NIPBL: variants seen among roughly 807,000 people sequenced by gnomAD.
NIPBL encodes nipped-B-like protein.
In NIPBL, 19 loss-of-function variants were observed where a neutral mutation model predicts 321.8. The observed-to-expected ratio is 0.06, with a 90% confidence interval of 0.04 to 0.09. NIPBL has a LOEUF of 0.09. Ranked by LOEUF, NIPBL falls within the 10% of genes least tolerant of loss-of-function variation. NIPBL has a pLI of 1.00. For synonymous variants in NIPBL, 1,106 were observed against 1,114.1 expected (o/e 0.99, Z 0.14); for missense variants, 2,210 against 3,327.0 (o/e 0.66, Z 8.26).
rs577332130 is a variant in NIPBL at position 36,991,720 on chromosome 5, G to A, written c.3122-3902G>A. Among the ~76,000 whole-genome samples, 8 of 149,344 alleles carry A rather than the reference G, an allele frequency of 5.4e-5. 1 individual carries two copies. In the South Asian group the frequency reaches 1.7e-3, roughly 32 times the overall value. On this transcript the variant is annotated intron_variant, in intron 10 of 46. Coordinates refer to ENST00000282516, the MANE Select transcript of NIPBL (RefSeq NM_133433.4). ...GTAGGTTAGTGGAAGAATTGTCACT[G>A]AACTATTCCATTATGCCTGCCCAAG...
At chr5:36,886,466 A>C in intron 1 of NIPBL, 3 of 754,948 alleles carry the variant, frequency 4.0e-6, no homozygotes, top group Non-Finnish European at 7.2e-6. Flanking sequence ...GTGGTGTCTG[A>C]GACCAGTGAC....
At chr5:36,962,021 A>G (rs1741681960) in intron 5 of NIPBL, 102 bp from the exon 6 acceptor site, 1 of 1,295,674 alleles carries the variant, frequency 7.7e-7, no homozygotes, top group Non-Finnish European at 1.1e-6. Context: ...GATTTTACAT[A>G]TATAAACTAA....
At chr5:37,026,837 C>T (rs1750326218) in intron 31 of NIPBL, among the ~76,000 whole-genome samples, 2 of 151,612 alleles carry the variant, frequency 1.3e-5, no homozygotes, top group Admixed American at 1.3e-4. Flanking sequence ...GAGTTCAAAG[C>T]TGCAGTATAC....
intron 4 of NIPBL, 137 bp downstream of exon 4, chr5:36,958,368 T>C: frequency 1.3e-6 from 1 of 765,592 alleles, no homozygotes; most frequent in Non-Finnish European, 2.2e-6. Context: ...AGAAGGAAAC[T>C]AAACTGATAA....
In NIPBL at chr5:36,985,824, T is replaced by G. The variant is rs746447744; in HGVS notation, c.2644T>G (p.Ser882Ala). Residue 882 changes from serine (S) to alanine (A), a missense_variant, in exon 10 of 47, where the codon TCT (serine) becomes GCT (alanine). Around this residue, in one of 14 missense-constraint regions of NIPBL, gnomAD observed 588 missense variants for 564.1 expected, o/e 1.04. Coordinates refer to ENST00000282516, the MANE Select transcript of NIPBL (RefSeq NM_133433.4). ...HESGDSRERPSSGEQKSRPDS... is the reference protein window; with the variant it reads ...HESGDSRERPASGEQKSRPDS... Reference sequence around the variant, plus strand: ...ATCAGGGGACTCAAGGGAAAGACCATCTTCTGGGGAACAAAAATCAAGACC... The same window carrying G: ...ATCAGGGGACTCAAGGGAAAGACCAGCTTCTGGGGAACAAAAATCAAGACC... 6.2e-7 allele frequency: 1 copy of G among 1,613,868 alleles called. No homozygotes were observed.
Position 36,976,145 on chromosome 5 carries a change from C to A in NIPBL, c.1238C>A (p.Pro413Gln). Reference protein sequence around the residue: ...TPITPQDINRPLNAAQCLSQQ... With the variant: ...TPITPQDINRQLNAAQCLSQQ... ...ATTACTCCACAAGATATAAACCGCC[C>A]ACTAAATGCTGCTCAATGTTTGTCG... Residue 413 changes from proline (P) to glutamine (Q), a missense_variant, in exon 9 of 47, where the codon CCA (proline) becomes CAA (glutamine). Coordinates refer to ENST00000282516, the MANE Select transcript of NIPBL (RefSeq NM_133433.4). 1.2e-6 allele frequency: 2 copies of A among 1,613,426 alleles called. No homozygotes were observed. The highest frequency in any genetic ancestry group is 1.7e-6 in the Non-Finnish European group (2 of 1,179,592).
intron 37 of NIPBL, 29 bp downstream of exon 37, chr5:37,045,626 A>G (rs756230006): frequency 4.9e-5 from 79 of 1,606,210 alleles, no homozygotes; most frequent in Non-Finnish European, 6.6e-5. Context: ...AAAATGCTAT[A>G]AAACATAGAG....
chr5:37,001,660 T>C (rs1443995767), intron 14 of NIPBL, among the ~76,000 whole-genome samples: 1 of 152,134 alleles, frequency 6.6e-6, no homozygotes, highest in Non-Finnish European at 1.5e-5. Context: ...TAAAAATAAC[T>C]AAAACCCAAA....
At chr5:37,016,983 T>A in intron 23 of NIPBL, 36 bp from the exon 24 acceptor site, 1 of 1,336,592 alleles carries the variant, frequency 7.5e-7, no homozygotes, top group South Asian at 1.3e-5. Flanking sequence ...TATATTGTTA[T>A]AAATCTATTC....
At chr5:36,981,001 C>T (rs1055178917) in intron 9 of NIPBL, among the ~76,000 whole-genome samples, 1 of 151,592 alleles carries the variant, frequency 6.6e-6, no homozygotes, top group Non-Finnish European at 1.5e-5. Flanking sequence ...TTTTAGAGCC[C>T]TTAAGAGATG....
At chr5:36,969,774 A>G (rs968554548) in intron 6 of NIPBL, among the ~76,000 whole-genome samples, 1 of 152,202 alleles carries the variant, frequency 6.6e-6, no homozygotes, top group Admixed American at 6.5e-5. Context: ...TGTCAGAAAC[A>G]TTTCCTACCC....
intron 39 of NIPBL, 102 bp from the exon 40 acceptor site, chr5:37,049,009 C>A: frequency 8.9e-7 from 1 of 1,124,316 alleles, no homozygotes; most frequent in East Asian, 2.4e-5. Context: ...AGAACACTAG[C>A]TGTAACGTTT....
At chr5:36,914,693 A>G (rs1466889530) in intron 1 of NIPBL, among the ~76,000 whole-genome samples, 1 of 152,230 alleles carries the variant, frequency 6.6e-6, no homozygotes, top group Non-Finnish European at 1.5e-5. Context: ...GGTTCCAAGA[A>G]TTGACACTCA....
chr5:37,043,159 G>A (rs1381752793), intron 34 of NIPBL, among the ~76,000 whole-genome samples: 1 of 152,106 alleles, frequency 6.6e-6, no homozygotes, highest in South Asian at 2.1e-4. Context: ...ACTTTGGGTG[G>A]CCAAGGCAGG....
chr5:36,985,457 A>G lies in NIPBL; in HGVS notation c.2277A>G (p.Lys759=), dbSNP rs1377399848. 1 of 1,613,766 alleles carries G rather than the reference A, an allele frequency of 6.2e-7. No individual in the cohort carries two copies. Among genetic ancestry groups the G allele is most frequent in the Admixed American group, 1.7e-5 (1 of 59,888 alleles). ...QKNEGRPETP[K]HRHDNRRDSG... ...ATGAAGGGCGACCTGAAACACCAAAACACAGGCATGACAATAGGAGGGATT... is the reference window on the plus strand; with the variant it reads ...ATGAAGGGCGACCTGAAACACCAAAGCACAGGCATGACAATAGGAGGGATT... Residue 759 remains lysine, a synonymous_variant, in exon 10 of 47, where the codon AAA becomes AAG. Transcript: ENST00000282516.
Position 36,976,002 on chromosome 5 carries a change from A to G in NIPBL, c.1095A>G (p.Val365=). The change falls in exon 9 of 47, where the codon GTA becomes GTG. Residue 365 remains valine, a synonymous_variant. Transcript: ENST00000282516. The part of the protein sequence containing the change: ...STKLTLRLSR[V]RSSDMDQQED... ...AACTTACATTAAGACTTTCTCGTGT[A>G]AGGTCTTCAGACATGGACCAGCAAG... The G allele has an allele frequency of 6.2e-7, 1 of 1,614,106 alleles. No individual in the cohort carries two copies. Among genetic ancestry groups the G allele is most frequent in the Non-Finnish European group, 8.5e-7 (1 of 1,179,956 alleles).
At chr5:37,027,522 T>C (rs949950363) in intron 32 of NIPBL, 110 bp downstream of exon 32, 2 of 781,724 alleles carry the variant, frequency 2.6e-6, no homozygotes, top group Non-Finnish European at 4.4e-6. Flanking sequence ...TTTTAGTTCT[T>C]TTGGTAGGGA....
chr5:37,042,383 C>T (rs1309759797), intron 34 of NIPBL, among the ~76,000 whole-genome samples: 2 of 151,838 alleles, frequency 1.3e-5, no homozygotes, highest in Admixed American at 6.6e-5. Context: ...TGCAGTGAGC[C>T]GAGACTGTGC....
At chr5:37,027,298 A>G in intron 31 of NIPBL, 61 bp from the exon 32 acceptor site, 1 of 1,257,602 alleles carries the variant, frequency 8.0e-7, no homozygotes, top group Non-Finnish European at 1.2e-6. Flanking sequence ...GCATAACAAA[A>G]GTATATTTTA....
Sources: allele counts gnomAD v4.1 joint callset (sites outside exome capture counted in the v4.1 genomes callset), GRCh38; gene constraint gnomAD v4.1.1; regional missense constraint gnomAD v4.1.1; transcripts MANE v1.5; gene names NCBI Gene and HGNC (gene_info 2026-07-23, HGNC 2026-07-21).